Variants in AMOTL1 observed in about 807,000 individuals in gnomAD.
The protein encoded by AMOTL1 is angiomotin-like protein 1.
AMOTL1 carries 45 observed loss-of-function variants against 102.9 expected under a neutral mutation model. The observed-to-expected ratio is 0.44, with a 90% confidence interval of 0.34 to 0.56. The LOEUF (loss-of-function observed/expected upper bound fraction) is 0.56, where lower values mean the gene tolerates loss of function less well. Ranked by LOEUF, AMOTL1 falls within the 20% of genes least tolerant of loss-of-function variation. The pLI is 0.01. For missense variants in AMOTL1, 1,114 were observed against 1,225.6 expected (o/e 0.91, Z 1.36); for synonymous variants, 481 against 484.7 (o/e 0.99, Z 0.10).
At chr11:94,865,890 GT>G in intron 10 of AMOTL1, 51 bp from the exon 11 acceptor site, 1 of 1,520,500 alleles carries the variant, frequency 6.6e-7, no homozygotes, top group Non-Finnish European at 9.0e-7. Flanking sequence ...AATGTTTCAA[GT>G]TTTTCTAGCC....
At position 94,854,099 on chromosome 11, in the gene AMOTL1, G is replaced by A; in HGVS notation, c.1944+17G>A. The A allele has an allele frequency of 6.6e-7, 1 of 1,520,422 alleles. No individual in the cohort carries two copies. Among genetic ancestry groups the A allele is most frequent in the Non-Finnish European group, 8.9e-7 (1 of 1,129,712 alleles). 94.2% of individuals were successfully genotyped at this position (1,520,422 alleles called of 1,614,324 possible). On this transcript the variant is annotated intron_variant, in intron 8 of 12. Transcript: ENST00000433060. The stretch of plus-strand genomic sequence containing the variant: ...ACCCAGCAGGTAAGGAACTGGGCAT[G>A]GACTGGTGAAAGAATTAGATATGTT...
chr11:94,858,888 G>A (rs1952718106), intron 8 of AMOTL1, among the ~76,000 whole-genome samples: 1 of 152,234 alleles, frequency 6.6e-6, no homozygotes, highest in Admixed American at 6.5e-5. Flanking sequence ...TATTGACACA[G>A]ATGAAAAGGC....
At position 94,872,546 on chromosome 11, in the gene AMOTL1, C is replaced by T. The variant is rs1953019900; in HGVS notation, c.*1751C>T. 1.3e-5 allele frequency: 2 copies of T among 152,496 alleles called. No individual in the cohort carries two copies. The highest frequency in any genetic ancestry group is 4.8e-5 in the African/African-American group (2 of 41,436). The allele number at this position is 152,496 out of a possible 1,614,324, so 9.4% of individuals were successfully genotyped here. Reference sequence around the variant, plus strand: ...CCAAATTGAGGTGACAGAAGGAAGACAAGAGGTGTAAGCTGGAGAGGGAAG... The same window carrying T: ...CCAAATTGAGGTGACAGAAGGAAGATAAGAGGTGTAAGCTGGAGAGGGAAG... On this transcript the variant is annotated 3_prime_UTR_variant, in exon 13 of 13. Transcript: ENST00000433060.
intron 3 of AMOTL1, among the ~76,000 whole-genome samples, chr11:94,805,684 G>A (rs1208920233): frequency 6.6e-6 from 1 of 152,188 alleles, no homozygotes; most frequent in East Asian, 1.9e-4. Context: ...CTAGCTTCCG[G>A]GAAGTGGAGA....
At chr11:94,868,589 A>G (rs1952928950) in intron 11 of AMOTL1, among the ~76,000 whole-genome samples, 3 of 152,302 alleles carry the variant, frequency 2.0e-5, no homozygotes, top group South Asian at 2.1e-4. Context: ...AGAAATGTGC[A>G]GGTAGCATGT....
At chr11:94,765,131 A>G (rs1950840760), upstream of AMOTL1, among the ~76,000 whole-genome samples, 1 of 152,182 alleles carries the variant, frequency 6.6e-6, no homozygotes, top group East Asian at 1.9e-4. Context: ...TGCCCCAAAG[A>G]GCACTAAAAT....
intron 1 of AMOTL1, among the ~76,000 whole-genome samples, chr11:94,714,156 A>G (rs1057191563): frequency 6.6e-6 from 1 of 151,958 alleles, no homozygotes. Context: ...GTGATTTTTT[A>G]TATTAGTCTG....
At chr11:94,737,498 C>T (rs1435758320) in intron 2 of AMOTL1, among the ~76,000 whole-genome samples, 5 of 152,206 alleles carry the variant, frequency 3.3e-5, no homozygotes, top group African/African-American at 7.2e-5. Flanking sequence ...GTTTATTGCA[C>T]TCTCACCACA....
chr11:94,868,054 A>T (rs1056374642), intron 11 of AMOTL1, among the ~76,000 whole-genome samples: 2 of 152,372 alleles, frequency 1.3e-5, no homozygotes, highest in African/African-American at 4.8e-5. Flanking sequence ...TCTGTGGACC[A>T]GTGGCACCAG....
At chr11:94,776,448 C>G (rs1951026815) in intron 1 of AMOTL1, among the ~76,000 whole-genome samples, 1 of 152,228 alleles carries the variant, frequency 6.6e-6, no homozygotes, top group African/African-American at 2.4e-5. Context: ...CTTCTGTTTT[C>G]TTGCACCTCT....
At chr11:94,793,835 C>T (rs889885428) in intron 1 of AMOTL1, among the ~76,000 whole-genome samples, 6 of 152,238 alleles carry the variant, frequency 3.9e-5, no homozygotes, top group African/African-American at 1.4e-4. Context: ...GGCATTACAA[C>T]TACATTATTT....
chr11:94,728,963 C>T lies in AMOTL1; in HGVS notation c.-8C>T, dbSNP rs932852052. 1.1e-5 allele frequency: 14 copies of T among 1,288,514 alleles called. No individual in the cohort carries two copies. The African/African-American group carries it at 2.0e-4, about 18-fold the overall frequency. 79.8% of individuals were successfully genotyped at this position (1,288,514 alleles called of 1,614,324 possible). A position where few individuals can be genotyped will look rare whatever the true frequency, so the allele number is the denominator to read the frequency against. ...ATCTGAAAGCTATACATACAAGGGG[C>T]TAGAAGCATGGACCTCAGTGAAAAA... On this transcript the variant is annotated 5_prime_UTR_variant, in exon 2 of 5. Coordinates refer to the AMOTL1 transcript ENST00000299004.
intron 11 of AMOTL1, among the ~76,000 whole-genome samples, chr11:94,867,436 G>T (rs1014827773): frequency 6.6e-6 from 1 of 152,198 alleles, no homozygotes; most frequent in Non-Finnish European, 1.5e-5. Flanking sequence ...CCCTGTTTGT[G>T]ACGTGCAGCC....
intron 2 of AMOTL1, among the ~76,000 whole-genome samples, chr11:94,739,521 G>C (rs546895528): frequency 6.6e-6 from 1 of 152,310 alleles, no homozygotes; most frequent in East Asian, 1.9e-4. Context: ...GGAAAAGCCA[G>C]AGATGGCTGA....
In AMOTL1 at chr11:94,706,643, C is replaced by T. The variant is rs1949933967; in HGVS notation, c.-51+46C>T. 1.3e-5 allele frequency: 2 copies of T among 152,148 alleles called. 1 individual carries two copies. The highest frequency in any genetic ancestry group is 4.1e-4 in the South Asian group (2 of 4,830). The allele number at this position is 152,148 out of a possible 1,614,324, so 9.4% of individuals were successfully genotyped here. ...TGGGTTTCACTCTAGGGAACCTTAACACGAGGGGGGGATTTTGGAAGGCAT... is the reference window on the plus strand; with the variant it reads ...TGGGTTTCACTCTAGGGAACCTTAATACGAGGGGGGGATTTTGGAAGGCAT... On this transcript the variant is annotated intron_variant, in intron 1 of 4. Transcript: ENST00000299004.
Position 94,831,508 on chromosome 11 carries a change from G to C in AMOTL1, c.1615G>C (p.Asp539His). 9.3e-6 allele frequency: 15 copies of C among 1,613,964 alleles called. No homozygotes were observed. The highest frequency in any genetic ancestry group is 1.3e-5 in the Non-Finnish European group (15 of 1,179,828). The change falls in exon 6 of 13, where the codon GAC becomes CAC. Residue 539 changes from aspartate to histidine, a missense_variant. Coordinates refer to ENST00000433060, the MANE Select transcript of AMOTL1 (RefSeq NM_130847.3). Reference sequence around the variant, plus strand: ...CAGCAGGGAATACGAAGGGCATGAAGACAAAGCTGCAGAGGGGCATTATGC... The same window carrying C: ...CAGCAGGGAATACGAAGGGCATGAACACAAAGCTGCAGAGGGGCATTATGC... ...LSSREYEGHEDKAAEGHYASQ... is the reference protein window; with the variant it reads ...LSSREYEGHEHKAAEGHYASQ...
chr11:94,822,460 G>T (rs1951884033), intron 4 of AMOTL1, among the ~76,000 whole-genome samples: 1 of 152,178 alleles, frequency 6.6e-6, no homozygotes, highest in African/African-American at 2.4e-5. Context: ...ACAGAGAAAT[G>T]AAGTGAGAGA....
intron 3 of AMOTL1, among the ~76,000 whole-genome samples, chr11:94,752,594 G>A (rs974769272): frequency 1.3e-5 from 2 of 152,152 alleles, no homozygotes; most frequent in Non-Finnish European, 2.9e-5. Flanking sequence ...TCTTCCCCCT[G>A]TGACCTTTGT....
intron 6 of AMOTL1, among the ~76,000 whole-genome samples, chr11:94,841,129 A>T (rs960342072): frequency 1.3e-5 from 2 of 152,092 alleles, no homozygotes; most frequent in African/African-American, 4.8e-5. Flanking sequence ...TAGAAGTGTC[A>T]GTTTTTTATG....
Sources: gnomAD v4.1 joint callset for allele counts (sites outside exome capture counted in the v4.1 genomes callset) on GRCh38, gnomAD v4.1.1 for gene constraint, MANE v1.5 for transcripts, NCBI Gene and HGNC (gene_info 2026-07-23, HGNC 2026-07-21) for gene names.